CADM2: variants seen among roughly 807,000 people sequenced by gnomAD.
CADM2 encodes the protein cell adhesion molecule 2, also known as immunoglobulin superfamily member 4D.
CADM2 carries 12 observed loss-of-function variants against 49.8 expected under a neutral mutation model. The observed-to-expected ratio is 0.24, with a 90% CI of 0.15 to 0.39. The LOEUF (loss-of-function observed/expected upper bound fraction) is 0.39. Ranked by LOEUF, CADM2 falls within the 10% of genes least tolerant of loss-of-function variation. The pLI is 1.00. For synonymous variants in CADM2, 214 were observed against 175.4 expected (o/e 1.22, Z -1.74); for missense variants, 378 against 492.3 (o/e 0.77, Z 2.20).
At chr3:85,362,796 G>C (rs970414910) in intron 1 of CADM2, among the ~76,000 whole-genome samples, 4 of 152,086 alleles carry the variant, frequency 2.6e-5, no homozygotes, top group East Asian at 3.9e-4. Flanking sequence ...CATTTTTAGA[G>C]TATTAGACAG....
intron 1 of CADM2, among the ~76,000 whole-genome samples, chr3:85,053,485 G>A (rs1016062048): frequency 2.0e-5 from 3 of 151,964 alleles, no homozygotes; most frequent in Non-Finnish European, 4.4e-5. Context: ...CATTTATGAT[G>A]ACCACAACCA....
At chr3:85,756,430 C>T (rs892478748) in intron 2 of CADM2, among the ~76,000 whole-genome samples, 2 of 152,102 alleles carry the variant, frequency 1.3e-5, no homozygotes, top group South Asian at 2.1e-4. Flanking sequence ...ATCATTGGCT[C>T]TCCCAATGTT....
intron 1 of CADM2, among the ~76,000 whole-genome samples, chr3:85,516,162 T>C (rs747462404): frequency 3.3e-5 from 5 of 152,196 alleles, no homozygotes; most frequent in Non-Finnish European, 5.9e-5. Context: ...CAATTCATGG[T>C]CAAATTTGGC....
intron 2 of CADM2, among the ~76,000 whole-genome samples, chr3:85,778,627 CTG>C (rs2070477214): frequency 2.6e-5 from 4 of 152,194 alleles, no homozygotes; most frequent in Admixed American, 2.6e-4. Flanking sequence ...CCATGCAGAA[CTG>C]TGAGTCAATT....
intron 1 of CADM2, among the ~76,000 whole-genome samples, chr3:85,373,481 C>T (rs1040531689): frequency 2.6e-5 from 4 of 152,102 alleles, no homozygotes; most frequent in Admixed American, 1.3e-4. Flanking sequence ...GCTGCTTTTC[C>T]AGGAACACAG....
intron 1 of CADM2, among the ~76,000 whole-genome samples, chr3:85,560,658 T>C (rs1229690886): frequency 1.3e-5 from 2 of 152,212 alleles, no homozygotes; most frequent in Non-Finnish European, 2.9e-5. Context: ...TTTTTCACAA[T>C]GAAGCATTTA....
At chr3:85,766,959 G>T (rs2069685821) in intron 2 of CADM2, among the ~76,000 whole-genome samples, 1 of 151,988 alleles carries the variant, frequency 6.6e-6, no homozygotes, top group African/African-American at 2.4e-5. Flanking sequence ...ATCACTTTTT[G>T]TCATAGATTA....
At chr3:86,049,946 T>A (rs1050759721) in intron 8 of CADM2, among the ~76,000 whole-genome samples, 2 of 152,116 alleles carry the variant, frequency 1.3e-5, no homozygotes, top group Admixed American at 6.5e-5. Context: ...ATGCTTCAAA[T>A]CTCATGTCCC....
chr3:85,838,088 A>G (rs1342947660), intron 3 of CADM2, among the ~76,000 whole-genome samples: 1 of 151,920 alleles, frequency 6.6e-6, no homozygotes, highest in South Asian at 2.1e-4. Context: ...CACTTCATCT[A>G]TACATACTCA....
chr3:85,842,808 A>G (rs2074698470), intron 3 of CADM2, among the ~76,000 whole-genome samples: 1 of 152,112 alleles, frequency 6.6e-6, no homozygotes, highest in Non-Finnish European at 1.5e-5. Context: ...GGAGACATCT[A>G]TGTCTCATAA....
intron 5 of CADM2, among the ~76,000 whole-genome samples, chr3:85,907,505 TCCCAGTGTGGTCTATTG>T (rs1305630254): frequency 6.6e-6 from 1 of 152,142 alleles, no homozygotes; most frequent in Non-Finnish European, 1.5e-5. Context: ...CCTGCCTTGT[TCCCAGTGTGGTCTATTG>T]AACTTGGAAT....
intron 1 of CADM2, among the ~76,000 whole-genome samples, chr3:85,662,638 G>A (rs2065444680): frequency 1.3e-5 from 2 of 152,144 alleles, no homozygotes; most frequent in South Asian, 4.1e-4. Flanking sequence ...TGTACATGCT[G>A]TTCTTTGCCT....
At chr3:85,010,678 A>G (rs78764344) in intron 1 of CADM2, among the ~76,000 whole-genome samples, 7,478 of 150,114 alleles carry the variant, frequency 0.05, 223 homozygotes, top group East Asian at 0.1. Context: ...TGTCCTTGTT[A>G]CTCCCCTCCT....
intron 3 of CADM2, among the ~76,000 whole-genome samples, chr3:85,803,712 C>G (rs977088701): frequency 3.9e-5 from 6 of 152,024 alleles, no homozygotes; most frequent in Non-Finnish European, 8.8e-5. Flanking sequence ...GGACTTCAGA[C>G]TTTCTCATAA....
chr3:85,684,426 C>G (rs2066140617), intron 1 of CADM2, among the ~76,000 whole-genome samples: 1 of 151,956 alleles, frequency 6.6e-6, no homozygotes, highest in Non-Finnish European at 1.5e-5. Context: ...TAGCAGTAGG[C>G]AAGCCGGCAC....
chr3:86,020,729 A>G (rs1320075763), intron 8 of CADM2, among the ~76,000 whole-genome samples: 2 of 152,228 alleles, frequency 1.3e-5, no homozygotes, highest in Non-Finnish European at 2.9e-5. Flanking sequence ...AGAGCCAAAG[A>G]CAAAAGCCAC....
intron 1 of CADM2, among the ~76,000 whole-genome samples, chr3:85,666,340 GA>G (rs2065566959): frequency 1.3e-5 from 2 of 151,748 alleles, no homozygotes; most frequent in Non-Finnish European, 2.9e-5. Flanking sequence ...CACCTATGAT[GA>G]CATCCTGGAA....
chr3:85,368,105 A>C (rs977026151), intron 1 of CADM2, among the ~76,000 whole-genome samples: 2 of 152,064 alleles, frequency 1.3e-5, no homozygotes, highest in African/African-American at 2.4e-5. Context: ...TCTTTCCAAT[A>C]ATTTTTCCAG....
intron 1 of CADM2, among the ~76,000 whole-genome samples, chr3:85,296,423 AT>A (rs61116379): frequency 0.11 from 16,441 of 150,212 alleles, 1,022 homozygotes; most frequent in African/African-American, 0.17. Context: ...AAAGTAAACA[AT>A]TTTTTTTTTC....
Sources: allele counts gnomAD v4.1 joint callset (sites outside exome capture counted in the v4.1 genomes callset), GRCh38; gene constraint gnomAD v4.1.1; transcripts MANE v1.5; gene names NCBI Gene and HGNC (gene_info 2026-07-23, HGNC 2026-07-21).